Variants in EXTL3 observed in about 807,000 individuals in gnomAD.
The protein encoded by EXTL3 is exostosin-like 3.
Under a neutral mutation model 69.3 loss-of-function variants are expected in EXTL3, and 27 were observed. The observed-to-expected ratio is 0.39, with a 90% CI of 0.29 to 0.54. EXTL3 has a LOEUF of 0.54. EXTL3 is among the 20% of genes least tolerant of loss of function. The pLI, the probability that EXTL3 is intolerant of heterozygous loss-of-function variation, is 0.69. For synonymous variants in EXTL3, 511 were observed against 499.4 expected (o/e 1.02, Z -0.31); for missense variants, 1,003 against 1,231.8 (o/e 0.81, Z 2.78).
At chr8:28,678,451 C>G (rs1807424562) in intron 1 of EXTL3, among the ~76,000 whole-genome samples, 1 of 152,096 alleles carries the variant, frequency 6.6e-6, no homozygotes. Flanking sequence ...AGTTCTCACT[C>G]TATTAGTTTC....
intron 3 of EXTL3, among the ~76,000 whole-genome samples, chr8:28,718,665 G>A (rs1051596825): frequency 1.8e-4 from 27 of 152,234 alleles, no homozygotes; most frequent in African/African-American, 6.5e-4. Context: ...GTGAGTAATG[G>A]AGAAGCTGAG....
intron 2 of EXTL3, among the ~76,000 whole-genome samples, chr8:28,609,609 G>A (rs1406689326): frequency 6.6e-6 from 1 of 152,096 alleles, no homozygotes; most frequent in Non-Finnish European, 1.5e-5. Flanking sequence ...TGCAAGGCCA[G>A]GCACGGTAGC....
rs2130734388 is a variant in EXTL3 at position 28,715,875 on chromosome 8, G to C, written c.-185G>C. On this transcript the variant is annotated 5_prime_UTR_variant, in exon 3 of 7. Transcript: ENST00000220562. ...CAGAACTTAAAATCTGCTGGAATAG[G>C]GTCAGAGACCATTTCAGCTGCAGCT... The C allele has an allele frequency of 1.7e-6, 1 of 602,228 alleles. No homozygotes were observed. The allele number at this position is 602,228 out of a possible 1,614,324, so 37.3% of individuals were successfully genotyped here.
chr8:28,630,976 A>G (rs1237505254), intron 1 of EXTL3, among the ~76,000 whole-genome samples: 1 of 152,216 alleles, frequency 6.6e-6, no homozygotes, highest in Non-Finnish European at 1.5e-5. Flanking sequence ...AAAGTGATCA[A>G]AGCAGTGAAG....
chr8:28,646,361 A>G (rs961958530), intron 1 of EXTL3, among the ~76,000 whole-genome samples: 4 of 152,204 alleles, frequency 2.6e-5, no homozygotes, highest in Non-Finnish European at 5.9e-5. Flanking sequence ...CCGAATCCAT[A>G]GCTATGTTAA....
chr8:28,753,878 C>T lies in EXTL3; in HGVS notation c.*3012C>T, dbSNP rs988192210. ...TGGACCAGAGATGGGTGAACAGACT[C>T]ACACTCACATGGGCAGCCTTGCCTG... On this transcript the variant is annotated 3_prime_UTR_variant, in exon 7 of 7. Transcript: ENST00000220562. 2 of 152,202 alleles carry T rather than the reference C, an allele frequency of 1.3e-5. No homozygotes were observed. Among genetic ancestry groups the T allele is most frequent in the Non-Finnish European group, 2.9e-5 (2 of 68,070 alleles). 9.4% of individuals were successfully genotyped at this position (152,202 alleles called of 1,614,324 possible).
intron 1 of EXTL3, among the ~76,000 whole-genome samples, chr8:28,682,655 G>A (rs1807508188): frequency 6.6e-6 from 1 of 152,144 alleles, no homozygotes; most frequent in Non-Finnish European, 1.5e-5. Context: ...TGTTGGCCAG[G>A]CTGGTCCTAA....
chr8:28,718,058 A>G lies in EXTL3; in HGVS notation c.1999A>G (p.Met667Val), dbSNP rs377328753. 3.7e-5 allele frequency: 59 copies of G among 1,612,408 alleles called. No homozygotes were observed. The highest frequency in any genetic ancestry group is 4.4e-5 in the Non-Finnish European group (52 of 1,179,482). The change falls in exon 3 of 7, where the codon ATG (methionine) becomes GTG (valine). Residue 667 changes from methionine to valine, a missense_variant. Met to Val is a conservative substitution (Grantham distance 21). Transcript: ENST00000220562. ...NVPREQFTVV[M>V]LTYEREEVLM... Reference sequence around the variant, plus strand: ...TCCCCGAGAGCAGTTCACGGTGGTGATGTTGACTTATGAGCGGGAGGAAGT... The same window carrying G: ...TCCCCGAGAGCAGTTCACGGTGGTGGTGTTGACTTATGAGCGGGAGGAAGT...
chr8:28,646,733 A>G (rs151274519), intron 1 of EXTL3, among the ~76,000 whole-genome samples: 243 of 152,354 alleles, frequency 1.6e-3, no homozygotes, highest in Non-Finnish European at 2.2e-3. Context: ...CAGCTTAGCT[A>G]TTTAACTCTG....
At chr8:28,702,657 G>C (rs1413781976) in intron 1 of EXTL3, among the ~76,000 whole-genome samples, 3 of 148,252 alleles carry the variant, frequency 2.0e-5, no homozygotes. Flanking sequence ...CTCTTGGTTC[G>C]ACTCCTTTGG....
intron 1 of EXTL3, among the ~76,000 whole-genome samples, chr8:28,633,945 G>A (rs1332014282): frequency 2.6e-5 from 4 of 152,134 alleles, no homozygotes; most frequent in Non-Finnish European, 4.4e-5. Flanking sequence ...TAGCAAGATC[G>A]CCCAGGGGTG....
At chr8:28,724,809 A>G (rs531872054) in intron 3 of EXTL3, among the ~76,000 whole-genome samples, 21 of 152,098 alleles carry the variant, frequency 1.4e-4, no homozygotes, top group African/African-American at 4.1e-4. Flanking sequence ...CAATAATAAT[A>G]ATGATGATGA....
At chr8:28,621,536 C>G (rs118157179), upstream of EXTL3, among the ~76,000 whole-genome samples, 1 of 152,356 alleles carries the variant, frequency 6.6e-6, no homozygotes, top group East Asian at 1.9e-4. Context: ...AATACACTCC[C>G]TGCTAAATGT....
upstream of EXTL3, among the ~76,000 whole-genome samples, chr8:28,622,354 T>C (rs6998929): frequency 0.22 from 32,732 of 152,234 alleles, 4,182 homozygotes; most frequent in Non-Finnish European, 0.28. Context: ...CTCCGCCGTG[T>C]GCAGCCGGGT....
At chr8:28,664,165 C>CA (rs1172917747) in intron 1 of EXTL3, among the ~76,000 whole-genome samples, 4 of 152,138 alleles carry the variant, frequency 2.6e-5, no homozygotes, top group Non-Finnish European at 5.9e-5. Flanking sequence ...GCTGCCCTAA[C>CA]AAAATACCAC....
intron 1 of EXTL3, among the ~76,000 whole-genome samples, chr8:28,709,777 G>A (rs1172608936): frequency 2.6e-5 from 4 of 152,096 alleles, no homozygotes; most frequent in Admixed American, 6.6e-5. Flanking sequence ...GCAGATAATC[G>A]CAGTTTGCTA....
chr8:28,622,794 C>T (rs953796723), exon 1 of EXTL3: 5 of 152,394 alleles, frequency 3.3e-5, no homozygotes, highest in African/African-American at 1.2e-4. Flanking sequence ...GACCGCGGGA[C>T]CTGGCGCTGC....
intron 1 of EXTL3, among the ~76,000 whole-genome samples, chr8:28,682,513 G>T (rs1250838226): frequency 1.3e-5 from 2 of 152,068 alleles, no homozygotes; most frequent in Non-Finnish European, 2.9e-5. Flanking sequence ...TGCGATCTCG[G>T]CTCACTGCAA....
rs1165034943 is a variant in EXTL3, at chr8:28,717,874, C to G, written c.1815C>G (p.Asn605Lys). 1 of 1,613,830 alleles carries G rather than the reference C, an allele frequency of 6.2e-7. No homozygotes were observed. The part of the protein sequence containing the change: ...LTVTDFYRSW[N>K]CAPGPFHLFP... ...TCACTGACTTTTACCGCAGCTGGAA[C>G]TGTGCTCCAGGGCCTTTCCATCTTT... The change falls in exon 3 of 7, where the codon AAC (asparagine) becomes AAG (lysine). Residue 605 changes from asparagine (N) to lysine (K), a missense_variant. Around this residue, in one of 2 missense-constraint regions of EXTL3, gnomAD observed 261 missense variants for 416.4 expected, o/e 0.63. Transcript: ENST00000220562. This position sits in a 1 kb window ranked among gnomAD's most constrained non-coding sequence, Gnocchi z 8.3.
Sources: gnomAD v4.1 joint callset for allele counts (sites outside exome capture counted in the v4.1 genomes callset) on GRCh38, gnomAD v4.1.1 for gene constraint, gnomAD v4.1.1 regional missense constraint, Gnocchi (gnomAD v3.1) non-coding constraint, MANE v1.5 for transcripts, NCBI Gene and HGNC (gene_info 2026-07-23, HGNC 2026-07-21) for gene names.